The following LRRC4C variants were observed in gnomAD, a reference collection of about 807,000 sequenced individuals.
LRRC4C encodes the protein leucine-rich repeat-containing protein 4C.
In LRRC4C, 5 loss-of-function variants were observed where a neutral mutation model predicts 33.6. That is an observed-to-expected ratio of 0.15 (90% CI 0.08 to 0.31). The LOEUF (loss-of-function observed/expected upper bound fraction) is 0.31. Ranked by LOEUF, LRRC4C falls within the 10% of genes least tolerant of loss-of-function variation. The probability of loss-of-function intolerance (pLI) is 1.00; values close to 1 mark genes in which losing one functional copy is unlikely to be tolerated. For missense variants in LRRC4C, 560 were observed against 796.7 expected (o/e 0.70, Z 3.58); for synonymous variants, 329 against 302.0 (o/e 1.09, Z -0.93).
intron 1 of LRRC4C, among the ~76,000 whole-genome samples, chr11:41,451,973 C>T (rs1035395842): frequency 6.6e-6 from 1 of 152,110 alleles, no homozygotes; most frequent in Non-Finnish European, 1.5e-5. Context: ...CATCCACTGT[C>T]TGTGTTATTA....
At chr11:40,984,469 G>C (rs1199698970) in intron 1 of LRRC4C, among the ~76,000 whole-genome samples, 1 of 152,080 alleles carries the variant, frequency 6.6e-6, no homozygotes, top group Non-Finnish European at 1.5e-5. Context: ...CATGACATTT[G>C]AGCAGGTAAT....
At chr11:40,423,126 G>A (rs1950579631) in intron 3 of LRRC4C, among the ~76,000 whole-genome samples, 1 of 151,976 alleles carries the variant, frequency 6.6e-6, no homozygotes. Context: ...GTAACTTCAA[G>A]TCTATTATGA....
chr11:40,588,941 A>T (rs866243232), intron 3 of LRRC4C, among the ~76,000 whole-genome samples: 12 of 152,116 alleles, frequency 7.9e-5, no homozygotes, highest in Admixed American at 2.6e-4. Flanking sequence ...TGCTGAAAAA[A>T]ATGTACATTC....
chr11:41,042,691 A>G (rs1203477023), intron 1 of LRRC4C, among the ~76,000 whole-genome samples: 4 of 152,208 alleles, frequency 2.6e-5, no homozygotes, highest in African/African-American at 4.8e-5. Flanking sequence ...GCTAATGGGC[A>G]ATACAATCAT....
At chr11:40,767,855 T>A (rs1053418421) in intron 2 of LRRC4C, among the ~76,000 whole-genome samples, 3 of 151,940 alleles carry the variant, frequency 2.0e-5, no homozygotes, top group Admixed American at 1.3e-4. Context: ...AATAAGTGCC[T>A]ACATCAACAA....
chr11:41,412,047 A>T (rs372726945), intron 1 of LRRC4C, among the ~76,000 whole-genome samples: 4 of 152,262 alleles, frequency 2.6e-5, no homozygotes, highest in African/African-American at 9.6e-5. Flanking sequence ...GGTACATGAC[A>T]GTAATGGATA....
intron 3 of LRRC4C, among the ~76,000 whole-genome samples, chr11:40,483,828 T>C (rs1047395297): frequency 6.6e-6 from 1 of 151,428 alleles, no homozygotes; most frequent in East Asian, 1.9e-4. Flanking sequence ...TACATATATA[T>C]ATAGTTATTT....
At chr11:40,551,936 G>T (rs975965347) in intron 3 of LRRC4C, among the ~76,000 whole-genome samples, 4 of 152,172 alleles carry the variant, frequency 2.6e-5, no homozygotes, top group Non-Finnish European at 4.4e-5. Context: ...AGTAGACTTT[G>T]AGTAGAGCAG....
At chr11:41,442,580 C>CT (rs1300457710) in intron 1 of LRRC4C, among the ~76,000 whole-genome samples, 1 of 146,854 alleles carries the variant, frequency 6.8e-6, no homozygotes, top group Non-Finnish European at 1.5e-5. Context: ...CGCCATTCTC[C>CT]TGCCTCAGCC....
At chr11:40,948,864 G>A (rs1195935618) in intron 1 of LRRC4C, among the ~76,000 whole-genome samples, 1 of 151,860 alleles carries the variant, frequency 6.6e-6, no homozygotes, top group Non-Finnish European at 1.5e-5. Flanking sequence ...ATGATTTATA[G>A]TCCTTTGGGT....
intron 1 of LRRC4C, among the ~76,000 whole-genome samples, chr11:41,200,329 A>G (rs1946353974): frequency 6.6e-6 from 1 of 152,122 alleles, no homozygotes; most frequent in Non-Finnish European, 1.5e-5. Context: ...TGGAAGTAAA[A>G]AGGCATTATT....
At chr11:40,345,502 A>T (rs574755693) in intron 3 of LRRC4C, among the ~76,000 whole-genome samples, 3 of 152,352 alleles carry the variant, frequency 2.0e-5, no homozygotes, top group African/African-American at 7.2e-5. Context: ...CCATATGCAG[A>T]AGATTGAAAC....
chr11:41,250,766 G>A (rs767355580), intron 1 of LRRC4C, among the ~76,000 whole-genome samples: 30 of 152,112 alleles, frequency 2.0e-4, no homozygotes, highest in Non-Finnish European at 4.0e-4. Flanking sequence ...TGAACTTGAC[G>A]TGGTTCAAAA....
intron 3 of LRRC4C, among the ~76,000 whole-genome samples, chr11:40,558,168 A>C (rs1016523405): frequency 6.6e-6 from 1 of 152,250 alleles, no homozygotes; most frequent in African/African-American, 2.4e-5. Context: ...TGCTAACTAA[A>C]GAGCATACAA....
chr11:41,235,862 C>T (rs1947999315), intron 1 of LRRC4C, among the ~76,000 whole-genome samples: 1 of 152,058 alleles, frequency 6.6e-6, no homozygotes, highest in Non-Finnish European at 1.5e-5. Flanking sequence ...ATTCAGCCTC[C>T]TTGACAGCTG....
chr11:40,221,036 C>A (rs1427352647), intron 5 of LRRC4C, among the ~76,000 whole-genome samples: 1 of 151,998 alleles, frequency 6.6e-6, no homozygotes, highest in Non-Finnish European at 1.5e-5. Context: ...CCACCATGCC[C>A]AGCTAATTTT....
intron 2 of LRRC4C, among the ~76,000 whole-genome samples, chr11:40,656,327 CA>C: frequency 1.3e-5 from 2 of 151,472 alleles, no homozygotes; most frequent in African/African-American, 4.9e-5. Context: ...CTTTTTCACA[CA>C]AGTGTTTATA....
chr11:40,193,042 T>A (rs1861975222), intron 5 of LRRC4C, among the ~76,000 whole-genome samples: 1 of 152,202 alleles, frequency 6.6e-6, no homozygotes, highest in South Asian at 2.1e-4. Context: ...CAGACTTAAA[T>A]GTTCCCGTAT....
intron 1 of LRRC4C, among the ~76,000 whole-genome samples, chr11:41,397,198 G>C (rs1263435465): frequency 6.6e-6 from 1 of 151,868 alleles, no homozygotes; most frequent in Non-Finnish European, 1.5e-5. Context: ...GAACTGTGCA[G>C]GTCCACTTAT....
Sources: gnomAD v4.1 joint callset for allele counts (sites outside exome capture counted in the v4.1 genomes callset) on GRCh38, gnomAD v4.1.1 for gene constraint, MANE v1.5 for transcripts, NCBI Gene and HGNC (gene_info 2026-07-23, HGNC 2026-07-21) for gene names.